FAM167A: variants seen among roughly 807,000 people sequenced by gnomAD.
FAM167A encodes family with sequence similarity 167 member A.
Under a neutral mutation model 14.9 loss-of-function variants are expected in FAM167A, and 23 were observed. The ratio of observed to expected loss-of-function variants is 1.55; its 90% CI spans 1.11 to 2.19. FAM167A has a LOEUF of 2.19. Among genes scored for constraint, FAM167A ranks in the 30% most tolerant of loss-of-function variants. FAM167A has a pLI of 0.00. For missense variants in FAM167A, 401 were observed against 281.5 expected (o/e 1.42, Z -3.04); for synonymous variants, 174 against 117.7 (o/e 1.48, Z -3.10).
chr8:11,426,652 G>A (rs900823739), intron 2 of FAM167A, among the ~76,000 whole-genome samples: 2 of 152,172 alleles, frequency 1.3e-5, no homozygotes, highest in African/African-American at 2.4e-5. Flanking sequence ...AAAGGGGAAG[G>A]AGTGGATACT....
intron 2 of FAM167A, 43 bp from the exon 3 acceptor site, chr8:11,424,679 C>A: frequency 1.2e-6 from 2 of 1,603,760 alleles, no homozygotes; most frequent in Non-Finnish European, 1.7e-6. Flanking sequence ...GAGAGTGGCT[C>A]GAGTCCCTGA....
Position 11,444,051 on chromosome 8 carries a change from C to CTA in FAM167A, c.359_360dup (p.Ala121Ter). 1.9e-6 allele frequency: 3 copies of CTA among 1,613,290 alleles called. No individual in the cohort carries two copies. The highest frequency in any genetic ancestry group is 2.5e-6 in the Non-Finnish European group (3 of 1,179,866). The stretch of plus-strand genomic sequence containing the variant: ...CTCACCAGTTCCTTCCTGAGCCAGG[C>CTA]TATAGCTTCATCGATGCTCTGAAAG... On this transcript the variant is annotated frameshift_variant, in exon 2 of 3. Transcript: ENST00000284486. LOFTEE classifies it high-confidence loss of function.
chr8:11,426,808 G>C (rs1170667535), intron 2 of FAM167A, among the ~76,000 whole-genome samples: 1 of 152,176 alleles, frequency 6.6e-6, no homozygotes, highest in Non-Finnish European at 1.5e-5. Flanking sequence ...TAGAGGAAAA[G>C]TCACTTGTGT....
intron 2 of FAM167A, among the ~76,000 whole-genome samples, chr8:11,433,293 T>C (rs7007712): frequency 0.71 from 107,897 of 152,068 alleles, 38,511 homozygotes; most frequent in African/African-American, 0.79. Context: ...ACCTTTAACC[T>C]ACCATGGTTT....
At chr8:11,433,641 C>T (rs542227861) in intron 2 of FAM167A, among the ~76,000 whole-genome samples, 2 of 152,308 alleles carry the variant, frequency 1.3e-5, no homozygotes, top group East Asian at 3.9e-4. Flanking sequence ...CAGCTCAGAA[C>T]TGGGCAGGCA....
intron 1 of FAM167A, among the ~76,000 whole-genome samples, chr8:11,473,859 C>A (rs967666261): frequency 2.0e-5 from 3 of 151,988 alleles, no homozygotes; most frequent in Non-Finnish European, 2.9e-5. Flanking sequence ...GTTTCTTTTT[C>A]TTTTTCTTTT....
At chr8:11,441,002 A>G (rs1483518047) in intron 2 of FAM167A, among the ~76,000 whole-genome samples, 1 of 151,516 alleles carries the variant, frequency 6.6e-6, no homozygotes, top group Non-Finnish European at 1.5e-5. Flanking sequence ...CAATCCAATC[A>G]AAGGGTTTTT....
intron 1 of FAM167A, chr8:11,445,277 A>C: frequency 1.0e-6 from 1 of 985,508 alleles, no homozygotes; most frequent in Non-Finnish European, 1.2e-6. Flanking sequence ...CACCCCACAC[A>C]GGCTAAGGTG....
At chr8:11,464,444 G>T (rs1807672764) in intron 1 of FAM167A, among the ~76,000 whole-genome samples, 1 of 151,788 alleles carries the variant, frequency 6.6e-6, no homozygotes, top group Non-Finnish European at 1.5e-5. Flanking sequence ...CATCCTTCCT[G>T]CTCCCCACCT....
intron 1 of FAM167A, among the ~76,000 whole-genome samples, chr8:11,458,683 G>A (rs1807423851): frequency 6.6e-6 from 1 of 152,210 alleles, no homozygotes; most frequent in Non-Finnish European, 1.5e-5. Flanking sequence ...ATTTTCATCA[G>A]GAGCAGCTCA....
chr8:11,469,759 T>C (rs1334962608), upstream of FAM167A, among the ~76,000 whole-genome samples: 3 of 151,892 alleles, frequency 2.0e-5, no homozygotes, highest in African/African-American at 7.3e-5. Context: ...GGTACACACC[T>C]GAAGTCCCAG....
intron 1 of FAM167A, among the ~76,000 whole-genome samples, chr8:11,448,423 G>C (rs1231508759): frequency 1.3e-5 from 2 of 152,130 alleles, no homozygotes; most frequent in Non-Finnish European, 2.9e-5. Flanking sequence ...CTTAGTCATG[G>C]TTTTTAAAAT....
chr8:11,438,831 G>A (rs559051354), intron 2 of FAM167A, among the ~76,000 whole-genome samples: 6 of 152,354 alleles, frequency 3.9e-5, no homozygotes, highest in Non-Finnish European at 7.3e-5. Context: ...CTGGGACGAG[G>A]AATTCTCTTG....
intron 2 of FAM167A, among the ~76,000 whole-genome samples, chr8:11,429,343 G>A (rs978925209): frequency 6.6e-6 from 1 of 152,230 alleles, no homozygotes; most frequent in Non-Finnish European, 1.5e-5. Context: ...CCTGTGTGGA[G>A]TTAGTCGGGA....
intron 1 of FAM167A, among the ~76,000 whole-genome samples, chr8:11,462,492 C>T (rs1180204286): frequency 6.6e-6 from 1 of 152,166 alleles, no homozygotes; most frequent in African/African-American, 2.4e-5. Flanking sequence ...TCTCCTTGGT[C>T]CATCGAATTG....
chr8:11,439,088 A>G (rs1473362751), intron 2 of FAM167A, among the ~76,000 whole-genome samples: 1 of 152,224 alleles, frequency 6.6e-6, no homozygotes, highest in Non-Finnish European at 1.5e-5. Context: ...ATCCAGAACC[A>G]AGTGATGTGT....
upstream of FAM167A, among the ~76,000 whole-genome samples, chr8:11,471,095 C>T (rs1039378746): frequency 2.2e-4 from 33 of 152,158 alleles, no homozygotes; most frequent in African/African-American, 7.0e-4. Context: ...CCACACAGAG[C>T]GTCCACCTTA....
At position 11,444,466 on chromosome 8, in the gene FAM167A, G is replaced by A. The variant is rs1806656541; in HGVS notation, c.-55C>T. 6.6e-7 allele frequency: 1 copy of A among 1,505,572 alleles called. No individual in the cohort carries two copies. Among genetic ancestry groups the A allele is most frequent in the Non-Finnish European group, 8.8e-7 (1 of 1,130,232 alleles). 93.3% of individuals were successfully genotyped at this position (1,505,572 alleles called of 1,614,324 possible). A position where few individuals can be genotyped will look rare whatever the true frequency, so the allele number is the denominator to read the frequency against. On this transcript the variant is annotated 5_prime_UTR_variant, in exon 2 of 3. Coordinates refer to ENST00000284486, the MANE Select transcript of FAM167A (RefSeq NM_053279.3). ...CGAGGGCACGGGGGGCGCAGGGGGAGGCTTGGTGGGTGGCACAGTTGGGTC... is the reference window on the plus strand; with the variant it reads ...CGAGGGCACGGGGGGCGCAGGGGGAAGCTTGGTGGGTGGCACAGTTGGGTC...
chr8:11,426,854 A>C (rs1274305628), intron 2 of FAM167A, among the ~76,000 whole-genome samples: 1 of 152,194 alleles, frequency 6.6e-6, no homozygotes, highest in Non-Finnish European at 1.5e-5. Context: ...TTTTTATAGA[A>C]GATAACATAA....
Sources: gnomAD v4.1 joint callset for allele counts (sites outside exome capture counted in the v4.1 genomes callset) on GRCh38, gnomAD v4.1.1 for gene constraint, MANE v1.5 for transcripts, NCBI Gene and HGNC (gene_info 2026-07-23, HGNC 2026-07-21) for gene names.